The following STK33 variants were observed in gnomAD, a reference collection of about 807,000 sequenced individuals.
STK33 encodes the protein serine/threonine-protein kinase 33.
Under a neutral mutation model 58.0 loss-of-function variants are expected in STK33, and 52 were observed. That is an observed-to-expected ratio of 0.90 (90% CI 0.72 to 1.13). STK33 has a LOEUF of 1.13. Ranked by LOEUF, STK33 falls within the 50% of genes most tolerant of loss-of-function variation. The pLI is 0.00. For synonymous variants in STK33, 215 were observed against 200.1 expected (o/e 1.07, Z -0.63); for missense variants, 630 against 604.2 (o/e 1.04, Z -0.45).
intron 1 of STK33, among the ~76,000 whole-genome samples, chr11:8,497,197 T>C (rs1009816291): frequency 2.0e-5 from 3 of 152,084 alleles, no homozygotes; most frequent in Admixed American, 6.5e-5. Flanking sequence ...GAAGAAATAA[T>C]GGCCAAAAAT....
At chr11:8,532,634 T>A (rs1408061340) in intron 1 of STK33, among the ~76,000 whole-genome samples, 1 of 152,248 alleles carries the variant, frequency 6.6e-6, no homozygotes, top group African/African-American at 2.4e-5. Flanking sequence ...ACAGGCTATC[T>A]GCACTAAGCA....
chr11:8,459,261 A>G (rs2137182911), intron 8 of STK33, among the ~76,000 whole-genome samples: 1 of 152,374 alleles, frequency 6.6e-6, no homozygotes, highest in East Asian at 1.9e-4. Context: ...GATCAGTACC[A>G]TGGCACAACC....
At chr11:8,507,848 A>G (rs753501607) in intron 1 of STK33, among the ~76,000 whole-genome samples, 3 of 152,198 alleles carry the variant, frequency 2.0e-5, no homozygotes, top group Non-Finnish European at 4.4e-5. Flanking sequence ...GACCTGATCT[A>G]CAATAACAAA....
the STK33 span, among the ~76,000 whole-genome samples, chr11:8,365,350 G>A: frequency 6.6e-6 from 1 of 152,092 alleles, no homozygotes; most frequent in African/African-American, 2.4e-5. Flanking sequence ...CCTCCCTGCC[G>A]GACACCCCAG....
chr11:8,361,819 G>A, the STK33 span, among the ~76,000 whole-genome samples: 3 of 152,212 alleles, frequency 2.0e-5, no homozygotes, highest in Non-Finnish European at 4.4e-5. The surrounding 1 kb of genome is among the most constrained non-coding windows in gnomAD (Gnocchi z 4.8). Context: ...GGTGTTCCAC[G>A]GCAGCGAGTG....
At chr11:8,401,153 A>T (rs529993737) in intron 15 of STK33, among the ~76,000 whole-genome samples, 1 of 152,318 alleles carries the variant, frequency 6.6e-6, no homozygotes, top group African/African-American at 2.4e-5. Flanking sequence ...AAGAGCCCAC[A>T]TTGCCAAGTC....
chr11:8,593,268 C>T (rs1167962705), intron 1 of STK33, among the ~76,000 whole-genome samples: 1 of 152,198 alleles, frequency 6.6e-6, no homozygotes, highest in African/African-American at 2.4e-5. Context: ...ATGTTCCTTT[C>T]CATTCACAGA....
At chr11:8,344,163 C>T in the STK33 span, among the ~76,000 whole-genome samples, 3 of 150,674 alleles carry the variant, frequency 2.0e-5, no homozygotes, top group South Asian at 2.1e-4. Flanking sequence ...CCAGCCTGGG[C>T]GACACAGGGA....
intron 11 of STK33, among the ~76,000 whole-genome samples, chr11:8,442,836 T>C (rs1219995445): frequency 6.6e-6 from 1 of 152,146 alleles, no homozygotes; most frequent in African/African-American, 2.4e-5. Context: ...AAAATCATGA[T>C]GTAAGACAAA....
At chr11:8,489,962 G>A (rs1294165019) in intron 1 of STK33, among the ~76,000 whole-genome samples, 4 of 152,110 alleles carry the variant, frequency 2.6e-5, no homozygotes, top group Admixed American at 6.5e-5. Flanking sequence ...CAAGATGGCC[G>A]AATAGGAACA....
At chr11:8,422,951 G>A (rs933440440) in intron 14 of STK33, among the ~76,000 whole-genome samples, 2 of 150,812 alleles carry the variant, frequency 1.3e-5, no homozygotes, top group Non-Finnish European at 3.0e-5. Context: ...TCAGCCTTTC[G>A]AGTAGCTGGG....
chr11:8,390,665 C>T (rs574091826), downstream of STK33, among the ~76,000 whole-genome samples: 3 of 152,216 alleles, frequency 2.0e-5, no homozygotes, highest in South Asian at 2.1e-4. Flanking sequence ...GATGGAGGGG[C>T]GTTAATAGAA....
intron 10 of STK33, 103 bp from the exon 11 acceptor site, chr11:8,453,009 CT>C: frequency 4.8e-6 from 5 of 1,049,528 alleles, no homozygotes; most frequent in Non-Finnish European, 7.3e-6. Context: ...TTCTGGGGTT[CT>C]TGGGGGTGGG....
intron 1 of STK33, among the ~76,000 whole-genome samples, chr11:8,499,661 G>A (rs898428973): frequency 4.6e-5 from 7 of 152,144 alleles, no homozygotes; most frequent in Admixed American, 2.6e-4. Context: ...GCAAAGACTT[G>A]GAACCAAGCC....
rs531679857 is a variant in STK33, at chr11:8,508,879, G to A, written c.-465-28265C>T. 9.7e-4 allele frequency among the ~76,000 whole-genome samples: 147 copies of A among 152,234 alleles called. 1 individual carries two copies. Among genetic ancestry groups the A allele is most frequent in the African/African-American group, 3.3e-3 (137 of 41,530 alleles). ...AGCCTATAATCCCAGCACTTTGGGAGGCCGAGGTGAGCAGATCACCTGAGA... is the reference window on the plus strand; with the variant it reads ...AGCCTATAATCCCAGCACTTTGGGAAGCCGAGGTGAGCAGATCACCTGAGA... On this transcript the variant is annotated intron_variant, in intron 1 of 15. Coordinates refer to ENST00000687296, the MANE Select transcript of STK33 (RefSeq NM_001352389.2).
rs147353268 is a variant in STK33 at position 8,499,782 on chromosome 11, A to C, written c.-465-19168T>G. Reference sequence around the variant, plus strand: ...CATGTCCTTTGCAGGGACATGGATGAAGCTGGAAACCATCATTCTCACCAA... The same window carrying C: ...CATGTCCTTTGCAGGGACATGGATGCAGCTGGAAACCATCATTCTCACCAA... On this transcript the variant is annotated intron_variant, in intron 1 of 15. Coordinates refer to ENST00000687296, the MANE Select transcript of STK33 (RefSeq NM_001352389.2). Among the ~76,000 whole-genome samples the C allele has an allele frequency of 6.5e-3, 986 of 152,278 alleles. 65 individuals carry two copies. The East Asian group carries it at 0.16, about 24-fold the overall frequency.
chr11:8,392,794 A>G (rs1371733266), intron 15 of STK33, 84 bp from the exon 16 acceptor site: 3 of 1,414,694 alleles, frequency 2.1e-6, no homozygotes, highest in Admixed American at 3.9e-5. Flanking sequence ...AAAGTTGTCC[A>G]GGATTTGCAA....
chr11:8,473,904 G>T (rs1949020126), intron 5 of STK33, among the ~76,000 whole-genome samples: 1 of 152,110 alleles, frequency 6.6e-6, no homozygotes, highest in Non-Finnish European at 1.5e-5. Context: ...TGGGCACGGT[G>T]GCTCATGCCT....
the STK33 span, among the ~76,000 whole-genome samples, chr11:8,382,515 A>G: frequency 1.3e-5 from 2 of 152,242 alleles, no homozygotes; most frequent in African/African-American, 4.8e-5. Flanking sequence ...TCCTGATAGT[A>G]GCATGGGGAG....
Sources: allele counts gnomAD v4.1 joint callset (sites outside exome capture counted in the v4.1 genomes callset), GRCh38; gene constraint gnomAD v4.1.1; non-coding constraint Gnocchi (gnomAD v3.1); transcripts MANE v1.5; gene names NCBI Gene and HGNC (gene_info 2026-07-23, HGNC 2026-07-21).